The following DIAPH3 variants were observed in gnomAD, a reference collection of about 807,000 sequenced individuals.
The protein encoded by DIAPH3 is protein diaphanous homolog 3.
DIAPH3 carries 117 observed loss-of-function variants against 144.3 expected under a neutral mutation model. The observed-to-expected ratio is 0.81, with a 90% confidence interval of 0.70 to 0.95. DIAPH3 has a LOEUF of 0.95. Among genes scored for constraint, DIAPH3 ranks in the 40% least tolerant of loss-of-function variants. DIAPH3 has a pLI of 0.00. For synonymous variants in DIAPH3, 519 were observed against 488.9 expected, an observed-to-expected ratio of 1.06 and a Z score of -0.81; for missense variants, 1,421 against 1,412.7, an observed-to-expected ratio of 1.01 and a Z score of -0.09.
intron 27 of DIAPH3, among the ~76,000 whole-genome samples, chr13:59,688,209 C>G (rs2033316135): frequency 6.6e-6 from 1 of 152,008 alleles, no homozygotes; most frequent in South Asian, 2.1e-4. Context: ...TTTTTCTCAG[C>G]TTGATAAATT....
At chr13:59,970,817 A>G in intron 16 of DIAPH3, 35 bp downstream of exon 16, 1 of 1,580,284 alleles carries the variant, frequency 6.3e-7, no homozygotes. Context: ...ATTTAGATCT[A>G]AGTAAAAGTA....
intron 27 of DIAPH3, among the ~76,000 whole-genome samples, chr13:59,682,915 A>G (rs933521627): frequency 6.6e-6 from 1 of 152,200 alleles, no homozygotes; most frequent in Non-Finnish European, 1.5e-5. Flanking sequence ...AGTAGAGTCT[A>G]TGTACTTCCC....
intron 20 of DIAPH3, among the ~76,000 whole-genome samples, chr13:59,899,781 A>G (rs1372432251): frequency 6.6e-6 from 1 of 152,242 alleles, no homozygotes; most frequent in Non-Finnish European, 1.5e-5. Flanking sequence ...TTTTACATGC[A>G]CGTGATATAA....
At chr13:60,061,191 C>T (rs1265855045) in intron 4 of DIAPH3, among the ~76,000 whole-genome samples, 2 of 151,944 alleles carry the variant, frequency 1.3e-5, no homozygotes, top group African/African-American at 4.8e-5. Context: ...CTATGGGCCA[C>T]GGCAGAGTCA....
At chr13:60,056,619 T>C (rs890663738) in intron 4 of DIAPH3, among the ~76,000 whole-genome samples, 5 of 151,810 alleles carry the variant, frequency 3.3e-5, no homozygotes, top group African/African-American at 1.2e-4. Context: ...TACAAGGAAC[T>C]TGGGGTCCTT....
At chr13:59,903,874 T>A (rs932175775) in intron 20 of DIAPH3, among the ~76,000 whole-genome samples, 2 of 152,218 alleles carry the variant, frequency 1.3e-5, no homozygotes, top group African/African-American at 4.8e-5. Flanking sequence ...TATGTGTCAG[T>A]AGATGTGCCA....
intron 3 of DIAPH3, among the ~76,000 whole-genome samples, chr13:60,107,150 G>A (rs1374354219): frequency 6.6e-6 from 1 of 151,936 alleles, no homozygotes; most frequent in Non-Finnish European, 1.5e-5. Context: ...CTTACTTGTG[G>A]AAAACATACA....
chr13:59,772,814 G>A (rs1342197743), intron 27 of DIAPH3, among the ~76,000 whole-genome samples: 2 of 152,066 alleles, frequency 1.3e-5, no homozygotes, highest in East Asian at 1.9e-4. Context: ...AGTTCATTAT[G>A]CTGTTACTAT....
At chr13:59,751,146 C>T (rs2036987364) in intron 27 of DIAPH3, among the ~76,000 whole-genome samples, 1 of 152,264 alleles carries the variant, frequency 6.6e-6, no homozygotes, top group Admixed American at 6.5e-5. Flanking sequence ...CTACAATTAG[C>T]ATTCGCCCTG....
chr13:60,132,727 T>A (rs1309626008), intron 2 of DIAPH3, among the ~76,000 whole-genome samples: 1 of 152,142 alleles, frequency 6.6e-6, no homozygotes, highest in Non-Finnish European at 1.5e-5. Flanking sequence ...GACTAACAAT[T>A]TGTAATTAAA....
chr13:60,007,144 G>C (rs542898438), intron 9 of DIAPH3, among the ~76,000 whole-genome samples: 1 of 151,632 alleles, frequency 6.6e-6, no homozygotes, highest in Non-Finnish European at 1.5e-5. Flanking sequence ...CACTGTCTCC[G>C]GGGTTCAAGT....
intron 9 of DIAPH3, among the ~76,000 whole-genome samples, chr13:59,995,348 G>A (rs1432948386): frequency 1.3e-5 from 2 of 151,798 alleles, no homozygotes; most frequent in East Asian, 3.9e-4. Context: ...CTCTTAATTT[G>A]CATGTTACAG....
intron 4 of DIAPH3, among the ~76,000 whole-genome samples, chr13:60,048,643 A>G (rs1217802510): frequency 2.3e-5 from 3 of 129,476 alleles, no homozygotes. Flanking sequence ...TACATTGCCC[A>G]TATTACTCAG....
chr13:60,034,661 T>C (rs1419384110), intron 5 of DIAPH3: 1 of 152,170 alleles, frequency 6.6e-6, no homozygotes, highest in Non-Finnish European at 1.5e-5. Flanking sequence ...GGACACCTGA[T>C]TGGCACAGTG....
chr13:59,708,165 C>A (rs141385869), intron 27 of DIAPH3, among the ~76,000 whole-genome samples: 3 of 151,874 alleles, frequency 2.0e-5, no homozygotes, highest in South Asian at 4.2e-4. Flanking sequence ...GGGGCTCAAG[C>A]GATCCTCCTG....
intron 27 of DIAPH3, among the ~76,000 whole-genome samples, chr13:59,752,155 T>A (rs893638906): frequency 1.3e-5 from 2 of 152,186 alleles, no homozygotes; most frequent in African/African-American, 4.8e-5. Flanking sequence ...ATTGAGTGCA[T>A]AGTGCTTTGC....
At chr13:60,058,392 G>A (rs2056636796) in intron 4 of DIAPH3, among the ~76,000 whole-genome samples, 2 of 152,020 alleles carry the variant, frequency 1.3e-5, no homozygotes. Flanking sequence ...AAAAATAACA[G>A]ATGTTGGCAT....
chr13:59,859,048 G>A (rs542152489), intron 22 of DIAPH3, among the ~76,000 whole-genome samples: 3 of 152,126 alleles, frequency 2.0e-5, no homozygotes, highest in African/African-American at 2.4e-5. Context: ...TATATAACAC[G>A]TGTATAAGAG....
intron 27 of DIAPH3, among the ~76,000 whole-genome samples, chr13:59,684,891 TATG>T (rs1326484614): frequency 2.5e-4 from 38 of 152,320 alleles, no homozygotes; most frequent in African/African-American, 8.9e-4. Flanking sequence ...TGATAAATCC[TATG>T]ATGTGTATTT....
Sources: allele counts gnomAD v4.1 joint callset (sites outside exome capture counted in the v4.1 genomes callset), GRCh38; gene constraint gnomAD v4.1.1; transcripts MANE v1.5; gene names NCBI Gene and HGNC (gene_info 2026-07-23, HGNC 2026-07-21).